The following VPS52 variants were observed in gnomAD, a reference collection of about 807,000 sequenced individuals.
The protein encoded by VPS52 is vacuolar protein sorting-associated protein 52 homolog.
A neutral mutation model predicts 98.7 loss-of-function variants in VPS52; 56 were observed. The ratio of observed to expected loss-of-function variants is 0.57; its 90% CI spans 0.46 to 0.71. The LOEUF is 0.71. Ranked by LOEUF, VPS52 falls within the 30% of genes least tolerant of loss-of-function variation. VPS52 has a pLI of 0.00. For missense variants in VPS52, 742 were observed against 925.9 expected (o/e 0.80, Z 2.58); for synonymous variants, 348 against 346.4 (o/e 1.00, Z -0.05).
At chr6:33,261,433 C>A (rs909214547) in intron 17 of VPS52, among the ~76,000 whole-genome samples, 2 of 150,844 alleles carry the variant, frequency 1.3e-5, no homozygotes, top group Non-Finnish European at 2.9e-5. Context: ...CACCACTGCA[C>A]TCCAGCCTAG....
At chr6:33,266,415 G>A (rs1200309139) in intron 12 of VPS52, 142 bp downstream of exon 12, 3 of 1,098,532 alleles carry the variant, frequency 2.7e-6, no homozygotes, top group Non-Finnish European at 3.8e-6. Context: ...TTATGGGTGT[G>A]CACTACCACG....
intron 3 of VPS52, 81 bp from the exon 4 acceptor site, chr6:33,269,900 G>A: frequency 6.3e-7 from 1 of 1,595,292 alleles, no homozygotes; most frequent in Non-Finnish European, 8.6e-7. Context: ...GGACTAAAGG[G>A]TCAGATACCA....
intron 17 of VPS52, among the ~76,000 whole-genome samples, chr6:33,261,588 A>G (rs1244801484): frequency 6.6e-6 from 1 of 152,200 alleles, no homozygotes; most frequent in South Asian, 2.1e-4. Context: ...AATCAAATGG[A>G]TTAAAGACTT....
At chr6:33,266,896 G>A (rs1764396185) in intron 11 of VPS52, among the ~76,000 whole-genome samples, 184 bp from the exon 12 acceptor site, 1 of 151,974 alleles carries the variant, frequency 6.6e-6, no homozygotes, top group African/African-American at 2.4e-5. Flanking sequence ...GGAACATAGG[G>A]GTACAAAAAG....
intron 1 of VPS52, among the ~76,000 whole-genome samples, chr6:33,270,868 G>A (rs1186634412): frequency 2.0e-5 from 3 of 150,962 alleles, no homozygotes; most frequent in Non-Finnish European, 4.4e-5. Flanking sequence ...GGAGAATGGC[G>A]TGAACCCGGA....
intron 17 of VPS52, among the ~76,000 whole-genome samples, chr6:33,260,955 T>G (rs1486174059): frequency 6.6e-6 from 1 of 151,420 alleles, no homozygotes; most frequent in Non-Finnish European, 1.5e-5. Flanking sequence ...GCTGACATCG[T>G]ATCGCTGCAC....
At position 33,251,600 on chromosome 6, in the gene VPS52, G is replaced by T; in HGVS notation, c.1943C>A (p.Ser648Tyr). 1 of 1,613,982 alleles carries T rather than the reference G, an allele frequency of 6.2e-7. No homozygotes were observed. Among genetic ancestry groups the T allele is most frequent in the South Asian group, 1.1e-5 (1 of 91,062 alleles). ...CAGAGATTCCACTGATGATTTCCAG[G>T]AACTACCAAAGCCACGGATCAGCTG... ...VTQLIRGFGS[S>Y]WKSSVESLSQ... The change falls in exon 19 of 20, where the codon TCC becomes TAC. Residue 648 changes from serine to tyrosine, a missense_variant. Coordinates refer to ENST00000445902, the MANE Select transcript of VPS52 (RefSeq NM_022553.6).
At chr6:33,256,383 T>C (rs1762959374) in intron 17 of VPS52, among the ~76,000 whole-genome samples, 1 of 145,278 alleles carries the variant, frequency 6.9e-6, no homozygotes, top group Admixed American at 7.2e-5. Context: ...GAGAAGCACT[T>C]GAACCCAGGA....
intron 13 of VPS52, 25 bp downstream of exon 13, chr6:33,264,757 G>A (rs746778897): frequency 1.3e-6 from 2 of 1,599,978 alleles, no homozygotes; most frequent in South Asian, 2.2e-5. Flanking sequence ...GGCCTGTTGG[G>A]CATCAAGGAC....
rs751974793 is a variant in VPS52, at chr6:33,268,508, G to A, written c.690C>T (p.Leu230=). ...CADVRGVLDR[L]RVKAVTKIRE... ...CATCCCTACTTCCCACCTTGACCCG[G>A]AGCCGATCGAGCACGCCTCTGACAT... The change falls in exon 7 of 20, where the codon CTC becomes CTT. Residue 230 remains leucine (L), a synonymous_variant. Coordinates refer to ENST00000445902, the MANE Select transcript of VPS52 (RefSeq NM_022553.6). The surrounding 1 kb of genome is among the most constrained non-coding windows in gnomAD (Gnocchi z 4.0). 40 of 1,602,222 alleles carry A rather than the reference G, an allele frequency of 2.5e-5. 2 individuals carry two copies. In the South Asian group the frequency reaches 4.2e-4, roughly 17 times the overall value.
At chr6:33,270,635 C>CA (rs1562581549) in intron 1 of VPS52, among the ~76,000 whole-genome samples, 1 of 151,716 alleles carries the variant, frequency 6.6e-6, no homozygotes, top group Admixed American at 6.6e-5. Flanking sequence ...CTAAAGAAAA[C>CA]AAAAAAAGGT....
chr6:33,262,903 G>A (rs908431808), intron 17 of VPS52, among the ~76,000 whole-genome samples: 10 of 152,142 alleles, frequency 6.6e-5, no homozygotes, highest in African/African-American at 9.7e-5. Context: ...GAAGGCTGGG[G>A]AGAAGGTGGG....
chr6:33,267,522 T>C lies in VPS52; in HGVS notation c.991+160A>G, dbSNP rs186114382. 529 of 1,196,104 alleles carry C rather than the reference T, an allele frequency of 4.4e-4. No individual in the cohort carries two copies. The highest frequency in any genetic ancestry group is 5.9e-4 in the Non-Finnish European group (503 of 846,172). 74.1% of individuals were successfully genotyped at this position (1,196,104 alleles called of 1,614,324 possible). A position where few individuals can be genotyped will look rare whatever the true frequency, so the allele number is the denominator to read the frequency against. On this transcript the variant is annotated intron_variant, in intron 10 of 19. Transcript: ENST00000445902. The surrounding 1 kb of genome is among the most constrained non-coding windows in gnomAD (Gnocchi z 4.2). Reference sequence around the variant, plus strand: ...TCATATGCAAAACTATGTGTCAAAATAATGTGTGCATCTTTCTGGGGAGGG... The same window carrying C: ...TCATATGCAAAACTATGTGTCAAAACAATGTGTGCATCTTTCTGGGGAGGG...
At chr6:33,251,668 G>T (rs757960617) in intron 18 of VPS52, 32 bp from the exon 19 acceptor site, 2 of 1,538,626 alleles carry the variant, frequency 1.3e-6, no homozygotes, top group Non-Finnish European at 9.0e-7. Flanking sequence ...GTCAGAGAGG[G>T]ATCTGGCTGA....
chr6:33,263,580 T>C (rs745892766), intron 16 of VPS52, 31 bp from the exon 17 acceptor site: 3 of 1,613,822 alleles, frequency 1.9e-6, no homozygotes, highest in Non-Finnish European at 2.5e-6. Context: ...ATGTCTAGTT[T>C]GGGGAAAGCA....
chr6:33,271,276 T>G (rs1264208537), intron 1 of VPS52: 1 of 620,184 alleles, frequency 1.6e-6, no homozygotes, highest in Admixed American at 2.6e-5. Flanking sequence ...GCACACAGCG[T>G]GTAAGTGGCA....
Position 33,264,475 on chromosome 6 carries a change from A to C in VPS52, c.1423T>G (p.Leu475Val), listed in dbSNP as rs1248983982. 4 of 1,614,078 alleles carry C rather than the reference A, an allele frequency of 2.5e-6. No homozygotes were observed. The highest frequency in any genetic ancestry group is 4.5e-5 in the East Asian group (2 of 44,900). Residue 475 changes from leucine (L) to valine (V), a missense_variant, in exon 14 of 20, where the codon TTG becomes GTG. Physicochemically the swap from Leu to Val is conservative, Grantham distance 32. Around this residue, in one of 2 missense-constraint regions of VPS52, gnomAD observed 590 missense variants for 793.3 expected, o/e 0.74. Coordinates refer to ENST00000445902, the MANE Select transcript of VPS52 (RefSeq NM_022553.6). ...ATCAGTTCAAACCGTGGCCATAGCA[A>C]GGCAAGCACCTGTTCCCAGTACCTG... ...LDRYWEQVLALLWPRFELILE... is the reference protein window; with the variant it reads ...LDRYWEQVLAVLWPRFELILE...
intron 1 of VPS52, 47 bp downstream of exon 1, chr6:33,271,539 G>C (rs1410846068): frequency 1.3e-6 from 2 of 1,563,110 alleles, no homozygotes; most frequent in Non-Finnish European, 1.7e-6. Context: ...TCTTTCTGAA[G>C]CTAGGAGCAC....
At chr6:33,265,102 C>A (rs1764145700) in intron 12 of VPS52, among the ~76,000 whole-genome samples, 1 of 151,902 alleles carries the variant, frequency 6.6e-6, no homozygotes, top group Non-Finnish European at 1.5e-5. Context: ...GATAGAGTTT[C>A]ACTCTTGCCA....
Sources: allele counts gnomAD v4.1 joint callset (sites outside exome capture counted in the v4.1 genomes callset), GRCh38; gene constraint gnomAD v4.1.1; regional missense constraint gnomAD v4.1.1; non-coding constraint Gnocchi (gnomAD v3.1); transcripts MANE v1.5; gene names NCBI Gene and HGNC (gene_info 2026-07-23, HGNC 2026-07-21).